The following TMTC2 variants were observed in gnomAD, a reference collection of about 807,000 sequenced individuals.
TMTC2 encodes transmembrane O-mannosyltransferase targeting cadherins 2.
TMTC2 carries 43 observed loss-of-function variants against 82.4 expected under a neutral mutation model. The ratio of observed to expected loss-of-function variants is 0.52; its 90% CI spans 0.41 to 0.67. The LOEUF (loss-of-function observed/expected upper bound fraction) is 0.67, where lower values mean the gene tolerates loss of function less well. Among genes scored for constraint, TMTC2 ranks in the 30% least tolerant of loss-of-function variants. The probability of loss-of-function intolerance (pLI) is 0.00; values close to 1 mark genes in which losing one functional copy is unlikely to be tolerated. For synonymous variants in TMTC2, 408 were observed against 381.9 expected, an observed-to-expected ratio of 1.07 and a Z score of -0.80; for missense variants, 919 against 1,012.4, an observed-to-expected ratio of 0.91 and a Z score of 1.25.
chr12:82,940,012 TAC>T (rs1876616510), intron 4 of TMTC2, among the ~76,000 whole-genome samples: 1 of 146,936 alleles, frequency 6.8e-6, no homozygotes, highest in African/African-American at 2.5e-5. Flanking sequence ...TTTCTTTCTT[TAC>T]TTTTTTTTTT....
At position 82,857,179 on chromosome 12, in the gene TMTC2, T is replaced by C; in HGVS notation, c.253T>C (p.Trp85Arg). 1.2e-6 allele frequency: 2 copies of C among 1,614,166 alleles called. No individual in the cohort carries two copies. Among genetic ancestry groups the C allele is most frequent in the Non-Finnish European group, 1.7e-6 (2 of 1,180,044 alleles). Residue 85 changes from tryptophan (W) to arginine (R), a missense_variant, in exon 2 of 12, where the codon TGG (tryptophan) becomes CGG (arginine). Transcript: ENST00000321196. ...CCATGCCATTGGAGGGTTGAATCCC[T>C]GGAGCTACCATCTTGTCAATGTCCT... ...LNHAIGGLNP[W>R]SYHLVNVLLH...
chr12:82,982,184 G>C (rs963916303), intron 7 of TMTC2, among the ~76,000 whole-genome samples: 19 of 151,750 alleles, frequency 1.3e-4, no homozygotes, highest in Admixed American at 4.6e-4. Context: ...CAGGCAGCTT[G>C]ATGCGATGGG....
At chr12:82,773,960 A>G (rs1877447939) in intron 1 of TMTC2, among the ~76,000 whole-genome samples, 1 of 152,126 alleles carries the variant, frequency 6.6e-6, no homozygotes, top group African/African-American at 2.4e-5. Context: ...ATGTATATGT[A>G]TTTTTAAAAT....
chr12:82,713,100 A>C (rs1315219026), intron 1 of TMTC2, among the ~76,000 whole-genome samples: 1 of 152,158 alleles, frequency 6.6e-6, no homozygotes, highest in Non-Finnish European at 1.5e-5. Context: ...AGGGCGGATC[A>C]TCTGAGGTCA....
intron 1 of TMTC2, among the ~76,000 whole-genome samples, chr12:82,803,843 T>G (rs1258594519): frequency 1.3e-5 from 2 of 152,016 alleles, no homozygotes; most frequent in Non-Finnish European, 2.9e-5. Context: ...AGTTCCTGCT[T>G]GGGTCTCTTC....
intron 8 of TMTC2, among the ~76,000 whole-genome samples, chr12:82,994,214 G>C (rs1213022087): frequency 6.6e-6 from 1 of 152,112 alleles, no homozygotes; most frequent in African/African-American, 2.4e-5. Flanking sequence ...CTGGAGTGCA[G>C]TGGCACGGTC....
At chr12:82,691,495 A>C (rs1872576586) in intron 1 of TMTC2, among the ~76,000 whole-genome samples, 1 of 152,168 alleles carries the variant, frequency 6.6e-6, no homozygotes, top group East Asian at 1.9e-4. Flanking sequence ...TAATGATTTT[A>C]ATATTATTTA....
At chr12:82,962,641 A>G (rs1247211338) in intron 4 of TMTC2, among the ~76,000 whole-genome samples, 1 of 151,750 alleles carries the variant, frequency 6.6e-6, no homozygotes, top group African/African-American at 2.4e-5. Context: ...TTTTGGATGT[A>G]TTGATTTTGA....
At chr12:83,077,880 CTTTTTTTTTTTTTT>C (rs751044763) in intron 11 of TMTC2, among the ~76,000 whole-genome samples, 2 of 92,956 alleles carry the variant, frequency 2.2e-5, no homozygotes, top group Admixed American at 2.5e-4. Context: ...GACAATCTGT[CTTTTTTTTTTTTTT>C]TTTTTTTTTT....
chr12:82,765,731 AAAAC>A (rs1876920920), intron 1 of TMTC2, among the ~76,000 whole-genome samples: 1 of 152,132 alleles, frequency 6.6e-6, no homozygotes, highest in Non-Finnish European at 1.5e-5. Context: ...AAACAAAGAA[AAAAC>A]AGGTACCTTG....
At chr12:82,754,467 G>A (rs976662947) in intron 1 of TMTC2, among the ~76,000 whole-genome samples, 1 of 152,106 alleles carries the variant, frequency 6.6e-6, no homozygotes, top group Non-Finnish European at 1.5e-5. Context: ...GGGTGTGTTG[G>A]CTCATTCCTG....
intron 2 of TMTC2, among the ~76,000 whole-genome samples, chr12:82,884,866 C>T (rs1409438738): frequency 6.6e-6 from 1 of 152,066 alleles, no homozygotes; most frequent in Admixed American, 6.6e-5. Context: ...TCTCCTTAGA[C>T]TCTTGCATGT....
At chr12:82,995,227 A>C (rs1300361015) in intron 8 of TMTC2, among the ~76,000 whole-genome samples, 2 of 152,186 alleles carry the variant, frequency 1.3e-5, no homozygotes, top group African/African-American at 2.4e-5. Context: ...GAGTGATGGT[A>C]CAGACAATAT....
intron 8 of TMTC2, among the ~76,000 whole-genome samples, chr12:82,997,368 GTATATATATATATGTGTA>G (rs1879696517): frequency 2.8e-5 from 1 of 35,468 alleles, no homozygotes; most frequent in African/African-American, 7.9e-5. Flanking sequence ...ATATATATGT[GTATATATATATATGTGTA>G]TATATATATG....
chr12:83,053,255 C>T (rs529849729), intron 10 of TMTC2, among the ~76,000 whole-genome samples: 2 of 152,200 alleles, frequency 1.3e-5, no homozygotes, highest in South Asian at 4.1e-4. Context: ...ATTCTTTTCT[C>T]AGGAACTATG....
chr12:82,816,136 T>C (rs1397039134), intron 1 of TMTC2, among the ~76,000 whole-genome samples: 2 of 150,894 alleles, frequency 1.3e-5, no homozygotes, highest in Admixed American at 1.3e-4. Context: ...TTGAGTCGAA[T>C]GTGCTATCTT....
intron 1 of TMTC2, among the ~76,000 whole-genome samples, chr12:82,729,020 T>C (rs1874614696): frequency 1.3e-5 from 2 of 152,312 alleles, no homozygotes; most frequent in South Asian, 4.1e-4. Flanking sequence ...CCCTGCGGCC[T>C]CCTGCGTGGC....
chr12:82,712,374 G>A (rs1338686073), intron 1 of TMTC2, among the ~76,000 whole-genome samples: 4 of 144,080 alleles, frequency 2.8e-5, no homozygotes. Flanking sequence ...AGGTTGCAGT[G>A]AGCCAAGATC....
At chr12:82,838,307 A>G (rs1210176818) in intron 1 of TMTC2, among the ~76,000 whole-genome samples, 2 of 152,216 alleles carry the variant, frequency 1.3e-5, no homozygotes, top group African/African-American at 4.8e-5. Flanking sequence ...CAAAATGACT[A>G]ATGCACCATA....
Sources: allele counts gnomAD v4.1 joint callset (sites outside exome capture counted in the v4.1 genomes callset), GRCh38; gene constraint gnomAD v4.1.1; transcripts MANE v1.5; gene names NCBI Gene and HGNC (gene_info 2026-07-23, HGNC 2026-07-21).